Variants in PCDHA1 observed in about 807,000 individuals in gnomAD.
The protein encoded by PCDHA1 is protocadherin alpha-1.
Under a neutral mutation model 61.3 loss-of-function variants are expected in PCDHA1, and 42 were observed. The ratio of observed to expected loss-of-function variants is 0.69; its 90% CI spans 0.54 to 0.89. The LOEUF (loss-of-function observed/expected upper bound fraction) is 0.89. Ranked by LOEUF, PCDHA1 falls within the 40% of genes least tolerant of loss-of-function variation. The pLI, the probability that PCDHA1 is intolerant of heterozygous loss-of-function variation, is 0.00. For missense variants in PCDHA1, 1,256 were observed against 1,235.3 expected, an observed-to-expected ratio of 1.02 and a Z score of -0.25; for synonymous variants, 610 against 553.8, an observed-to-expected ratio of 1.10 and a Z score of -1.43.
intron 1 of PCDHA1, among the ~76,000 whole-genome samples, chr5:140,827,290 C>T (rs190258137): frequency 6.6e-6 from 1 of 152,284 alleles, no homozygotes; most frequent in African/African-American, 2.4e-5. Flanking sequence ...GAATCAAAAA[C>T]AGCAAAGCAC....
chr5:140,862,997 G>T, intron 1 of PCDHA1: 1 of 549,924 alleles, frequency 1.8e-6, no homozygotes, highest in Non-Finnish European at 3.6e-6. Context: ...GCGCACGGTG[G>T]ACTCCAGCTA....
chr5:140,829,708 C>G, intron 1 of PCDHA1: 1 of 1,613,376 alleles, frequency 6.2e-7, no homozygotes, highest in South Asian at 1.1e-5. Context: ...GCGCGCGCGA[C>G]GCGGGCGTGC....
chr5:140,879,783 G>A (rs182330190), intron 1 of PCDHA1, among the ~76,000 whole-genome samples: 1 of 152,162 alleles, frequency 6.6e-6, no homozygotes, highest in African/African-American at 2.4e-5. Flanking sequence ...GAAGAATCTG[G>A]TTTTTGTTTC....
At chr5:140,892,702 A>G (rs1391662001) in intron 1 of PCDHA1, among the ~76,000 whole-genome samples, 1 of 152,240 alleles carries the variant, frequency 6.6e-6, no homozygotes, top group Admixed American at 6.5e-5. Flanking sequence ...AAATCAGGGT[A>G]ATTAGCATAT....
At chr5:140,836,123 T>A (rs1214014408) in intron 1 of PCDHA1, 36 of 1,613,538 alleles carry the variant, frequency 2.2e-5, no homozygotes, top group Non-Finnish European at 3.0e-5. Context: ...TGAGAGAGCT[T>A]GTGCCGCGGT....
intron 1 of PCDHA1, among the ~76,000 whole-genome samples, chr5:140,941,561 C>T (rs782382112): frequency 2.1e-4 from 32 of 151,880 alleles, no homozygotes; most frequent in Middle Eastern, 3.2e-3. Context: ...GTGATCCATT[C>T]GCCTCAGCCT....
chr5:140,968,184 C>T, intron 1 of PCDHA1: 1 of 1,614,050 alleles, frequency 6.2e-7, no homozygotes, highest in Non-Finnish European at 8.5e-7. Flanking sequence ...CTGGAGGACT[C>T]CTATTCCATC....
chr5:140,967,974 G>A (rs782644202), intron 1 of PCDHA1: 3 of 1,614,204 alleles, frequency 1.9e-6, no homozygotes, highest in South Asian at 1.1e-5. Flanking sequence ...GTGAGCCTGG[G>A]TCTGGAGGCC....
rs1007978772 is a variant in PCDHA1 at position 140,843,987 on chromosome 5, G to C, written c.2394+55303G>C. 1.2e-4 allele frequency among the ~76,000 whole-genome samples: 18 copies of C among 149,540 alleles called. 1 individual carries two copies. Among genetic ancestry groups the C allele is most frequent in the African/African-American group, 4.2e-4 (17 of 40,920 alleles). On this transcript the variant is annotated intron_variant, in intron 1 of 3. Transcript: ENST00000504120. ...ATTTATTTTGGCCTGCCTTACAGCCGTCTTCTCTGAACAATACTCTAAGGA... is the reference window on the plus strand; with the variant it reads ...ATTTATTTTGGCCTGCCTTACAGCCCTCTTCTCTGAACAATACTCTAAGGA...
chr5:140,802,676 G>T, intron 1 of PCDHA1: 1 of 1,613,378 alleles, frequency 6.2e-7, no homozygotes, highest in Non-Finnish European at 8.5e-7. Context: ...TGTCCTACTC[G>T]CTGGTGGAAC....
At chr5:140,822,968 C>A (rs2150120818) in intron 1 of PCDHA1, 1 of 1,614,232 alleles carries the variant, frequency 6.2e-7, no homozygotes, top group Non-Finnish European at 8.5e-7. Flanking sequence ...AAGCTGGTGT[C>A]CACCTTCAAG....
In PCDHA1 at chr5:141,002,220, G is replaced by GC. The variant is rs1319895049; in HGVS notation, c.2543-7407_2543-7406insC. ...AGTCCCCGGCTTTAATCAAAATGAT[G>GC]GGTTTTCTGGAAGCTCTTTATTAAC... On this transcript the variant is annotated intron_variant, in intron 3 of 3. Coordinates refer to ENST00000504120, the MANE Select transcript of PCDHA1 (RefSeq NM_018900.4). Among the ~76,000 whole-genome samples, 33 of 152,196 alleles carry GC rather than the reference G, an allele frequency of 2.2e-4. 1 individual carries two copies. Among genetic ancestry groups the GC allele is most frequent in the Admixed American group, 1.0e-3 (16 of 15,274 alleles).
chr5:141,009,563 C>A, intron 3 of PCDHA1, 64 bp from the exon 4 acceptor site: 1 of 1,571,920 alleles, frequency 6.4e-7, no homozygotes, highest in Non-Finnish European at 8.6e-7. Flanking sequence ...TGTACTCTAC[C>A]AGCAGTGTGG....
chr5:140,845,808 A>C (rs1780048238), intron 1 of PCDHA1, among the ~76,000 whole-genome samples: 1 of 149,776 alleles, frequency 6.7e-6, no homozygotes, highest in Non-Finnish European at 1.5e-5. Context: ...AGTGATAGGT[A>C]CATAATAAAA....
chr5:140,915,234 A>G (rs1373292519), intron 1 of PCDHA1, among the ~76,000 whole-genome samples: 1 of 152,144 alleles, frequency 6.6e-6, no homozygotes, highest in Non-Finnish European at 1.5e-5. Flanking sequence ...GGCATGAGCC[A>G]CCATGCCTGG....
chr5:140,823,121 A>G, intron 1 of PCDHA1: 1 of 1,614,018 alleles, frequency 6.2e-7, no homozygotes, highest in Non-Finnish European at 8.5e-7. Flanking sequence ...GACGTGAACG[A>G]CAACGCTCCG....
intron 1 of PCDHA1, chr5:140,882,939 G>T: frequency 2.5e-6 from 4 of 1,614,164 alleles, no homozygotes; most frequent in Non-Finnish European, 3.4e-6. Context: ...GAGCTGACTG[G>T]CACAGTTCAG....
intron 1 of PCDHA1, among the ~76,000 whole-genome samples, chr5:140,950,687 C>A (rs2153690415): frequency 6.6e-6 from 1 of 152,106 alleles, no homozygotes; most frequent in South Asian, 2.1e-4. Context: ...ATATTGTTAA[C>A]CAAATTTGAC....
At chr5:140,822,309 C>T (rs2150115372) in intron 1 of PCDHA1, 2 of 1,614,162 alleles carry the variant, frequency 1.2e-6, no homozygotes, top group East Asian at 2.2e-5. Context: ...AATATTTTGA[C>T]TTAGATGTTA....
Sources: gnomAD v4.1 joint callset for allele counts (sites outside exome capture counted in the v4.1 genomes callset) on GRCh38, gnomAD v4.1.1 for gene constraint, MANE v1.5 for transcripts, NCBI Gene and HGNC (gene_info 2026-07-23, HGNC 2026-07-21) for gene names.